Variants in CNTLN observed in about 807,000 individuals in gnomAD.
CNTLN encodes the protein centlein, also known as centlein, centrosomal protein.
Under a neutral mutation model 180.0 loss-of-function variants are expected in CNTLN, and 212 were observed. That is an observed-to-expected ratio of 1.18 (90% CI 1.05 to 1.32). CNTLN has a LOEUF of 1.32. CNTLN is among the 40% of genes most tolerant of loss of function. CNTLN has a pLI of 0.00. For synonymous variants in CNTLN, 722 were observed against 563.1 expected, an observed-to-expected ratio of 1.28 and a Z score of -3.99; for missense variants, 2,095 against 1,610.9, an observed-to-expected ratio of 1.30 and a Z score of -5.14.
intron 18 of CNTLN, among the ~76,000 whole-genome samples, chr9:17,441,800 A>G (rs144570870): frequency 0.011 from 1,668 of 152,264 alleles, 30 homozygotes; most frequent in African/African-American, 0.038. Flanking sequence ...TCCTGTCTCT[A>G]TGAGACTCAC....
intron 8 of CNTLN, among the ~76,000 whole-genome samples, chr9:17,327,443 C>T (rs527540214): frequency 2.7e-5 from 4 of 150,132 alleles, no homozygotes; most frequent in South Asian, 2.1e-4. Context: ...CTCGGCCTCC[C>T]GAAGTGCTGG....
intron 12 of CNTLN, among the ~76,000 whole-genome samples, chr9:17,346,359 C>G (rs1322925439): frequency 6.6e-6 from 1 of 152,070 alleles, no homozygotes; most frequent in African/African-American, 2.4e-5. Context: ...GAGAACTGCC[C>G]CCGTGATCCA....
intron 16 of CNTLN, 114 bp downstream of exon 16, chr9:17,409,587 G>T: frequency 5.2e-6 from 4 of 767,870 alleles, no homozygotes; most frequent in South Asian, 2.6e-5. Flanking sequence ...TACAAGTTAA[G>T]TCTTTAAAAT....
chr9:17,311,870 A>T (rs986628137), intron 8 of CNTLN, among the ~76,000 whole-genome samples: 1 of 152,134 alleles, frequency 6.6e-6, no homozygotes, highest in Non-Finnish European at 1.5e-5. Flanking sequence ...AAATGCAAAG[A>T]ACCTAGAAGA....
In CNTLN at chr9:17,178,511, C is replaced by T. The variant is rs558596910; in HGVS notation, c.449+35135C>T. 1.4e-4 allele frequency among the ~76,000 whole-genome samples: 21 copies of T among 151,914 alleles called. No homozygotes were observed. In the East Asian group the frequency reaches 1.9e-3, roughly 14 times the overall value. On this transcript the variant is annotated intron_variant, in intron 2 of 25. Transcript: ENST00000380647. The stretch of plus-strand genomic sequence containing the variant: ...GGCTGCCCGGGATCCCACAGCAGGG[C>T]GGGGGCGGGGGGTGCATGGGGGACT...
intron 24 of CNTLN, among the ~76,000 whole-genome samples, chr9:17,485,930 TG>T (rs1832868034): frequency 6.6e-6 from 1 of 152,122 alleles, no homozygotes; most frequent in Admixed American, 6.5e-5. Flanking sequence ...AAAGACTAGA[TG>T]GTGCATGTCT....
intron 3 of CNTLN, among the ~76,000 whole-genome samples, chr9:17,233,414 A>G (rs1197901118): frequency 6.6e-6 from 1 of 152,098 alleles, no homozygotes; most frequent in Admixed American, 6.6e-5. Flanking sequence ...CTGTAGTTTC[A>G]TTGCTAAGAA....
intron 12 of CNTLN, among the ~76,000 whole-genome samples, chr9:17,344,181 C>G (rs530115583): frequency 3.4e-4 from 51 of 152,158 alleles, no homozygotes; most frequent in African/African-American, 1.2e-3. Flanking sequence ...AATAGAACTA[C>G]AGAAAAAGTA....
intron 2 of CNTLN, among the ~76,000 whole-genome samples, chr9:17,157,227 C>T (rs1586945782): frequency 6.6e-6 from 1 of 152,270 alleles, no homozygotes; most frequent in South Asian, 2.1e-4. Flanking sequence ...TCATGACTTA[C>T]CATGTTTCAA....
intron 18 of CNTLN, among the ~76,000 whole-genome samples, chr9:17,440,588 C>CAAAAAAAAAA (rs35350865): frequency 8.7e-6 from 1 of 114,666 alleles, no homozygotes; most frequent in South Asian, 3.1e-4. Context: ...GACTCCGTCT[C>CAAAAAAAAAA]AAAAAAAAAA....
chr9:17,420,001 G>A (rs746558515), intron 18 of CNTLN, among the ~76,000 whole-genome samples: 1 of 152,126 alleles, frequency 6.6e-6, no homozygotes, highest in Non-Finnish European at 1.5e-5. Context: ...TGCAAGCTCC[G>A]CCTCCCAGGT....
chr9:17,330,725 A>G lies in CNTLN; in HGVS notation c.1435A>G (p.Asn479Asp), dbSNP rs1380314767. The part of the protein sequence containing the change: ...EYLQEKLKIA[N>D]EKLSENISAN... ...TTTACAGGAGAAACTAAAGATAGCA[A>G]ATGAAAAACTGTCAGAAAACATATC... The change falls in exon 9 of 26, where the codon AAT becomes GAT. Residue 479 changes from asparagine to aspartate, a missense_variant. By Grantham distance (23) the Asn-to-Asp change is conservative (BLOSUM62 1). Transcript: ENST00000380647. 6.2e-7 allele frequency: 1 copy of G among 1,612,340 alleles called. No individual in the cohort carries two copies. Among genetic ancestry groups the G allele is most frequent in the Non-Finnish European group, 8.5e-7 (1 of 1,178,924 alleles).
At chr9:17,520,802 A>G in the CNTLN span, among the ~76,000 whole-genome samples, 8 of 152,338 alleles carry the variant, frequency 5.3e-5, no homozygotes, top group East Asian at 1.2e-3. Context: ...TGTGTTTGCA[A>G]CAAAGAAAAG....
At chr9:17,406,383 T>C (rs2780213) in intron 15 of CNTLN, among the ~76,000 whole-genome samples, 132,687 of 151,708 alleles carry the variant, frequency 0.87, 58,500 homozygotes, top group Non-Finnish European at 0.92. Context: ...GTGTTCTACC[T>C]ACACTGGACT....
intron 15 of CNTLN, among the ~76,000 whole-genome samples, chr9:17,399,204 GT>G (rs1363037311): frequency 6.6e-6 from 1 of 152,132 alleles, no homozygotes; most frequent in African/African-American, 2.4e-5. Context: ...CTTCCACGTA[GT>G]CCCATGTATT....
At chr9:17,228,455 G>A (rs1824614141) in intron 3 of CNTLN, among the ~76,000 whole-genome samples, 1 of 152,056 alleles carries the variant, frequency 6.6e-6, no homozygotes, top group African/African-American at 2.4e-5. Context: ...TATATTTTCA[G>A]TTAGGTGCAA....
At chr9:17,236,670 C>A in intron 5 of CNTLN, 82 bp downstream of exon 5, 1 of 1,114,544 alleles carries the variant, frequency 9.0e-7, no homozygotes, top group Non-Finnish European at 1.3e-6. Flanking sequence ...TTTTCTTTAA[C>A]AACTTATATA....
At chr9:17,295,017 G>T (rs1817761596) in intron 6 of CNTLN, among the ~76,000 whole-genome samples, 1 of 151,760 alleles carries the variant, frequency 6.6e-6, no homozygotes, top group Non-Finnish European at 1.5e-5. Flanking sequence ...ATTGAGAGCA[G>T]CGCCGGTGGG....
intron 18 of CNTLN, among the ~76,000 whole-genome samples, chr9:17,446,272 T>C (rs541507830): frequency 2.0e-5 from 3 of 152,262 alleles, no homozygotes; most frequent in African/African-American, 7.2e-5. Flanking sequence ...TTCCTAAGTC[T>C]CTCGTTCCAC....
Sources: allele counts gnomAD v4.1 joint callset (sites outside exome capture counted in the v4.1 genomes callset), GRCh38; gene constraint gnomAD v4.1.1; transcripts MANE v1.5; gene names NCBI Gene and HGNC (gene_info 2026-07-23, HGNC 2026-07-21).